WNK3: variants seen among roughly 807,000 people sequenced by gnomAD.
WNK3 encodes serine/threonine-protein kinase WNK3.
Under a neutral mutation model 116.7 loss-of-function variants are expected in WNK3, and 18 were observed. The observed-to-expected ratio is 0.15, with a 90% CI of 0.11 to 0.23. The LOEUF is 0.23. Among genes scored for constraint, WNK3 ranks in the 10% least tolerant of loss-of-function variants. WNK3 has a pLI of 1.00. For missense variants in WNK3, 993 were observed against 1,323.8 expected, an observed-to-expected ratio of 0.75 and a Z score of 3.88; for synonymous variants, 404 against 469.4, an observed-to-expected ratio of 0.86 and a Z score of 1.80.
At chrX:54,287,109 A>C (rs962892305) in intron 10 of WNK3, among the ~76,000 whole-genome samples, 1 of 110,874 alleles carries the variant, frequency 9.0e-6, no homozygotes, top group African/African-American at 3.3e-5. Flanking sequence ...TATGAACCTC[A>C]GTTTCTTCAT....
chrX:54,321,747 G>A (rs1366729287), intron 2 of WNK3, among the ~76,000 whole-genome samples: 2 of 110,288 alleles, frequency 1.8e-5, no homozygotes, highest in Admixed American at 2.0e-4. Flanking sequence ...ATCACCTGAG[G>A]TCAGGAGTTC....
At chrX:54,300,968 C>T (rs890171886) in intron 6 of WNK3, among the ~76,000 whole-genome samples, 3 of 111,000 alleles carry the variant, frequency 2.7e-5, no homozygotes, top group African/African-American at 9.8e-5. Context: ...GCAGGTTGGG[C>T]GTGGTGGTTC....
At chrX:54,283,771 A>AAAAAAAAAAAAAAAAAAAG in intron 10 of WNK3, among the ~76,000 whole-genome samples, 1 of 105,780 alleles carries the variant, frequency 9.5e-6, no homozygotes, top group Non-Finnish European at 1.9e-5. Context: ...TGTCTCAAAA[A>AAAAAAAAAAAAAAAAAAAG]AAAAAAAAAA....
intron 10 of WNK3, among the ~76,000 whole-genome samples, chrX:54,283,993 CA>C (rs1284570658): frequency 2.7e-5 from 3 of 109,463 alleles, no homozygotes; most frequent in African/African-American, 9.9e-5. Context: ...TGGGTGTAGG[CA>C]AAGGTTTCAT....
At position 54,329,584 on chromosome X, in the gene WNK3, T is replaced by C. The variant is rs782381009; in HGVS notation, c.537+3553A>G. Among the ~76,000 whole-genome samples the C allele has an allele frequency of 7.4e-5, 8 of 108,351 alleles. No homozygotes were observed. In the South Asian group the frequency reaches 3.3e-3, roughly 45 times the overall value. The allele number at this position is 108,351 out of a possible 115,157, so 94.1% of individuals were successfully genotyped here. ...ACCCAGGAGGCTGGAACCCAGGAGG[T>C]TGCAGTGAGCCGAGATTGCACCACA... On this transcript the variant is annotated intron_variant, in intron 2 of 23. Transcript: ENST00000354646.
At chrX:54,293,209 C>A in exon 9 of WNK3, 1 of 1,210,374 alleles carries the variant, frequency 8.3e-7, no homozygotes, top group Admixed American at 2.2e-5. Context: ...CTTCAGCCTG[C>A]GGGATATTAG....
At chrX:54,331,138 T>A (rs1439974434) in intron 2 of WNK3, among the ~76,000 whole-genome samples, 1 of 110,208 alleles carries the variant, frequency 9.1e-6, no homozygotes, top group Non-Finnish European at 1.9e-5. Context: ...GATGGGATGA[T>A]TTATGCAGCA....
chrX:54,210,053 T>G (rs1232172300), intron 22 of WNK3, among the ~76,000 whole-genome samples: 1 of 111,722 alleles, frequency 9.0e-6, no homozygotes, highest in African/African-American at 3.3e-5. Flanking sequence ...TGCTGACAAC[T>G]TATGAAATGC....
intron 10 of WNK3, among the ~76,000 whole-genome samples, chrX:54,265,793 C>T (rs2068303079): frequency 8.9e-6 from 1 of 112,855 alleles, no homozygotes; most frequent in South Asian, 3.6e-4. Context: ...CCAGTAATCC[C>T]AACACTTTGG....
chrX:54,285,432 G>T (rs2068569169), intron 10 of WNK3, among the ~76,000 whole-genome samples: 1 of 111,665 alleles, frequency 9.0e-6, no homozygotes, highest in Non-Finnish European at 1.9e-5. Context: ...ATAATCAACA[G>T]CGATTGACTC....
rs782346623 is a variant in WNK3 at position 54,237,087 on chromosome X, A to T, written c.4479T>A (p.Ser1493Arg). The T allele has an allele frequency of 1.7e-5, 20 of 1,211,703 alleles. No individual in the cohort carries two copies. Among genetic ancestry groups the T allele is most frequent in the Admixed American group, 2.2e-5 (1 of 45,986 alleles). Reference sequence around the variant, plus strand: ...CTTCGTGGTGTGGTAAGCACTGATTACTCTCTGGACCAGTCTTTGCCACTG... The same window carrying T: ...CTTCGTGGTGTGGTAAGCACTGATTTCTCTCTGGACCAGTCTTTGCCACTG... Residue 1493 changes from serine (S) to arginine (R), a missense_variant, in exon 20 of 24, where the codon AGT becomes AGA. Physicochemically the swap from Ser to Arg is moderately radical, Grantham distance 110. Around this residue, in one of 4 missense-constraint regions of WNK3, gnomAD observed 836 missense variants for 976.5 expected, o/e 0.86. Transcript: ENST00000354646.
rs781937055 is a variant in WNK3 at position 54,310,966 on chromosome X, T to C, written c.710+153A>G. Among the ~76,000 whole-genome samples the C allele has an allele frequency of 1.3e-4, 15 of 111,589 alleles. 1 individual carries two copies. In the Middle Eastern group the frequency reaches 0.019, roughly 138 times the overall value. ...AGGCTAGTCTTGAGATCCACCCTCC[T>C]CAGTCTCCCAAAGTGCTGGGATTAC... is the stretch of plus-strand genomic sequence containing the variant. On this transcript the variant is annotated intron_variant, in intron 3 of 23. Coordinates refer to ENST00000354646, the Ensembl canonical transcript of WNK3.
intron 20 of WNK3, among the ~76,000 whole-genome samples, chrX:54,236,406 C>T (rs1046265010): frequency 1.2e-4 from 13 of 110,637 alleles, no homozygotes; most frequent in Non-Finnish European, 7.6e-5. Context: ...TACAGGCATG[C>T]GCCACCATGC....
exon 21 of WNK3, chrX:54,232,949 C>T (rs782179137): frequency 8.3e-6 from 10 of 1,208,321 alleles, no homozygotes; most frequent in Middle Eastern, 2.3e-4. Flanking sequence ...TTTAATTGAC[C>T]GAAGGCGTTC....
chrX:54,249,530 C>G, exon 17 of WNK3: 1 of 1,211,590 alleles, frequency 8.3e-7, no homozygotes. Flanking sequence ...TCAACCACAT[C>G]CTTGTGTTCT....
chrX:54,334,522 G>A (rs1389245338), intron 1 of WNK3, among the ~76,000 whole-genome samples: 1 of 110,748 alleles, frequency 9.0e-6, no homozygotes, highest in African/African-American at 3.3e-5. Flanking sequence ...AAGGTCCACT[G>A]ATGTTGTAGC....
chrX:54,324,951 T>C (rs1290007227), intron 2 of WNK3, among the ~76,000 whole-genome samples: 1 of 112,267 alleles, frequency 8.9e-6, no homozygotes, highest in East Asian at 2.8e-4. Flanking sequence ...TGTCTCAAAA[T>C]ATAGTTTTCC....
intron 1 of WNK3, among the ~76,000 whole-genome samples, chrX:54,346,306 A>G (rs2069427966): frequency 9.7e-6 from 1 of 103,057 alleles, no homozygotes; most frequent in Non-Finnish European, 2.0e-5. Flanking sequence ...AAAAAAAAGA[A>G]CACAGGCTCG....
At chrX:54,218,633 C>T (rs2067726414) in intron 22 of WNK3, among the ~76,000 whole-genome samples, 1 of 109,558 alleles carries the variant, frequency 9.1e-6, no homozygotes, top group Admixed American at 9.7e-5. Context: ...CCTGTAATCC[C>T]AGCACTATGG....
Sources: gnomAD v4.1 joint callset for allele counts (sites outside exome capture counted in the v4.1 genomes callset) on GRCh38, gnomAD v4.1.1 for gene constraint, gnomAD v4.1.1 regional missense constraint, MANE v1.5 for transcripts, NCBI Gene and HGNC (gene_info 2026-07-23, HGNC 2026-07-21) for gene names.